The following KSR2 variants were observed in gnomAD, a reference collection of about 807,000 sequenced individuals.
KSR2 encodes the protein kinase suppressor of ras 2.
KSR2 carries 25 observed loss-of-function variants against 107.8 expected under a neutral mutation model. That is an observed-to-expected ratio of 0.23 (90% CI 0.17 to 0.32). The LOEUF (loss-of-function observed/expected upper bound fraction) is 0.32. KSR2 is among the 10% of genes least tolerant of loss of function. The pLI is 1.00. For synonymous variants in KSR2, 480 were observed against 507.0 expected (o/e 0.95, Z 0.71); for missense variants, 887 against 1,268.9 (o/e 0.70, Z 4.57).
chr12:117,671,283 C>G (rs1021622245), intron 4 of KSR2, among the ~76,000 whole-genome samples: 10 of 152,180 alleles, frequency 6.6e-5, no homozygotes, highest in Middle Eastern at 3.2e-3. Context: ...CCCTCCTAGA[C>G]TGGGTTGGGT....
At chr12:117,826,729 C>T (rs951928452) in intron 3 of KSR2, among the ~76,000 whole-genome samples, 8 of 151,086 alleles carry the variant, frequency 5.3e-5, no homozygotes, top group Non-Finnish European at 7.4e-5. Flanking sequence ...CACACACACA[C>T]GCCGAGAGAG....
chr12:117,484,299 G>A, intron 16 of KSR2, 117 bp downstream of exon 16: 2 of 1,199,364 alleles, frequency 1.7e-6, no homozygotes, highest in Non-Finnish European at 2.4e-6. Flanking sequence ...GCCCCACTCA[G>A]CTCAGCAACC....
intron 1 of KSR2, among the ~76,000 whole-genome samples, chr12:117,919,806 T>G (rs1895287353): frequency 6.6e-6 from 1 of 152,208 alleles, no homozygotes; most frequent in African/African-American, 2.4e-5. Flanking sequence ...TCTATTAGCT[T>G]AAGCCCATGG....
intron 14 of KSR2, among the ~76,000 whole-genome samples, chr12:117,522,329 G>A (rs1447580543): frequency 6.6e-6 from 1 of 152,134 alleles, no homozygotes; most frequent in African/African-American, 2.4e-5. Context: ...ATGCTGAACA[G>A]GGAGGCAGGA....
At position 117,907,249 on chromosome 12, in the gene KSR2, A is replaced by T. The variant is rs1489623135; in HGVS notation, c.181-46818T>A. On this transcript the variant is annotated intron_variant, in intron 1 of 19. Coordinates refer to ENST00000339824, the MANE Select transcript of KSR2 (RefSeq NM_173598.6). The surrounding 1 kb of genome is among the most constrained non-coding windows in gnomAD (Gnocchi z 4.3). ...TGGTTCTTTCTGACCCAATGTCTAG[A>T]TGAGCCATTACACCAAACTGCCTTC... Among the ~76,000 whole-genome samples, 3 of 152,184 alleles carry T rather than the reference A, an allele frequency of 2.0e-5. No individual in the cohort carries two copies. Among genetic ancestry groups the T allele is most frequent in the Admixed American group, 6.5e-5 (1 of 15,284 alleles).
At chr12:117,872,186 T>C (rs1893675385) in intron 1 of KSR2, among the ~76,000 whole-genome samples, 1 of 152,178 alleles carries the variant, frequency 6.6e-6, no homozygotes, top group South Asian at 2.1e-4. Flanking sequence ...TATTTACAAA[T>C]GTGAAAACAG....
chr12:117,472,302 C>T (rs1055635432), intron 17 of KSR2, among the ~76,000 whole-genome samples: 1 of 152,150 alleles, frequency 6.6e-6, no homozygotes, highest in African/African-American at 2.4e-5. Flanking sequence ...GAGAGGATTG[C>T]TCTAGTGAGT....
In KSR2 at chr12:117,897,310, C is replaced by A. The variant is rs1894545992; in HGVS notation, c.181-36879G>T. 6.6e-6 allele frequency among the ~76,000 whole-genome samples: 1 copy of A among 152,294 alleles called. No homozygotes were observed. Among genetic ancestry groups the A allele is most frequent in the South Asian group, 2.1e-4 (1 of 4,822 alleles). On this transcript the variant is annotated intron_variant, in intron 1 of 19. Transcript: ENST00000339824. The surrounding 1 kb of genome is among the most constrained non-coding windows in gnomAD (Gnocchi z 4.5). ...AACTAAGAATACCTTTGGCAGTCAG[C>A]ACACCATGCTGAAAGGTGAGAAGGT...
intron 4 of KSR2, among the ~76,000 whole-genome samples, chr12:117,710,022 A>C (rs1465374609): frequency 6.6e-6 from 1 of 152,244 alleles, no homozygotes; most frequent in Non-Finnish European, 1.5e-5. Context: ...ATCTACTCCC[A>C]GCTCTCGAGG....
rs370292965 is a variant in KSR2, at chr12:117,740,237, G to T, written c.986+20774C>A. On this transcript the variant is annotated intron_variant, in intron 4 of 19. Coordinates refer to ENST00000339824, the MANE Select transcript of KSR2 (RefSeq NM_173598.6). Reference sequence around the variant, plus strand: ...GAATAATAGTCCCCAATCCCATCCAGGTTGCTGCGAATGCCATTAATTCAT... The same window carrying T: ...GAATAATAGTCCCCAATCCCATCCATGTTGCTGCGAATGCCATTAATTCAT... 4.7e-5 allele frequency among the ~76,000 whole-genome samples: 7 copies of T among 149,488 alleles called. No individual in the cohort carries two copies. In the East Asian group the frequency reaches 1.4e-3, roughly 29 times the overall value.
intron 14 of KSR2, among the ~76,000 whole-genome samples, chr12:117,487,617 C>G (rs1434106476): frequency 6.6e-6 from 1 of 152,186 alleles, no homozygotes; most frequent in Non-Finnish European, 1.5e-5. Context: ...AGTTCCTGAA[C>G]AGCCACCTAC....
chr12:117,668,346 A>G (rs1884754576), intron 4 of KSR2, among the ~76,000 whole-genome samples: 1 of 152,306 alleles, frequency 6.6e-6, no homozygotes, highest in Admixed American at 6.5e-5. Flanking sequence ...GCCTACCAGG[A>G]GCCTCAGATG....
chr12:117,847,281 C>T (rs566106069), intron 3 of KSR2, among the ~76,000 whole-genome samples: 1 of 152,226 alleles, frequency 6.6e-6, no homozygotes, highest in Admixed American at 6.5e-5. Flanking sequence ...CGGTGGCAGG[C>T]GGCATTCTGG....
chr12:117,632,292 T>C (rs1340343052), intron 5 of KSR2, among the ~76,000 whole-genome samples: 2 of 142,366 alleles, frequency 1.4e-5, no homozygotes, highest in East Asian at 4.3e-4. Flanking sequence ...TGGCGCAATC[T>C]TGGTTCACTG....
At chr12:117,606,781 A>C (rs1310066855) in intron 5 of KSR2, among the ~76,000 whole-genome samples, 30 of 108,686 alleles carry the variant, frequency 2.8e-4, no homozygotes, top group African/African-American at 5.1e-4. Context: ...CCCTCCCTTC[A>C]TCCCTTCTTT....
intron 4 of KSR2, among the ~76,000 whole-genome samples, chr12:117,688,379 A>G (rs1885672719): frequency 1.3e-5 from 2 of 151,820 alleles, no homozygotes; most frequent in Admixed American, 6.6e-5. Context: ...CTTGTCTCAG[A>G]AAAAAAAAGT....
intron 7 of KSR2, among the ~76,000 whole-genome samples, chr12:117,566,951 A>G (rs1236774367): frequency 6.6e-6 from 1 of 152,196 alleles, no homozygotes; most frequent in Non-Finnish European, 1.5e-5. Context: ...TATTGTCAAG[A>G]ACCGCTCTCT....
At chr12:117,881,006 T>C (rs942470492) in intron 1 of KSR2, among the ~76,000 whole-genome samples, 4 of 151,650 alleles carry the variant, frequency 2.6e-5, no homozygotes, top group Non-Finnish European at 4.4e-5. Flanking sequence ...TCTCACTCTA[T>C]CACCCAGGGC....
intron 3 of KSR2, among the ~76,000 whole-genome samples, chr12:117,779,381 G>A (rs1351584112): frequency 2.0e-5 from 3 of 152,196 alleles, no homozygotes; most frequent in Non-Finnish European, 4.4e-5. Context: ...TACTAGCTGT[G>A]TGACTTGGGG....
Sources: gnomAD v4.1 joint callset for allele counts (sites outside exome capture counted in the v4.1 genomes callset) on GRCh38, gnomAD v4.1.1 for gene constraint, Gnocchi (gnomAD v3.1) non-coding constraint, MANE v1.5 for transcripts, NCBI Gene and HGNC (gene_info 2026-07-23, HGNC 2026-07-21) for gene names.